Variants in NAALADL2 observed in about 807,000 individuals in gnomAD.
The protein encoded by NAALADL2 is N-acetylated alpha-linked acidic dipeptidase like 2.
Under a neutral mutation model 87.2 loss-of-function variants are expected in NAALADL2, and 76 were observed. The observed-to-expected ratio is 0.87, with a 90% confidence interval of 0.72 to 1.05. The LOEUF is 1.05. Ranked by LOEUF, NAALADL2 falls within the 50% of genes least tolerant of loss-of-function variation. The probability of loss-of-function intolerance (pLI) is 0.00; values close to 1 mark genes in which losing one functional copy is unlikely to be tolerated. For synonymous variants in NAALADL2, 354 were observed against 331.0 expected, an observed-to-expected ratio of 1.07 and a Z score of -0.75; for missense variants, 1,089 against 945.8, an observed-to-expected ratio of 1.15 and a Z score of -1.99.
At chr3:175,033,610 A>G (rs1039295865) in intron 1 of NAALADL2, among the ~76,000 whole-genome samples, 1 of 152,090 alleles carries the variant, frequency 6.6e-6, no homozygotes, top group Non-Finnish European at 1.5e-5. Flanking sequence ...TATCAGCAAC[A>G]TTTGACACAG....
intron 4 of NAALADL2, among the ~76,000 whole-genome samples, chr3:175,286,384 T>A (rs868708213): frequency 2.2e-4 from 33 of 152,246 alleles, no homozygotes; most frequent in Admixed American, 3.9e-4. Flanking sequence ...AACTTCAAGG[T>A]TATAGTGTGA....
intron 1 of NAALADL2, among the ~76,000 whole-genome samples, chr3:175,067,462 T>A (rs1714738548): frequency 6.6e-6 from 1 of 152,058 alleles, no homozygotes; most frequent in Non-Finnish European, 1.5e-5. Context: ...AAACAAGACA[T>A]ATCAGCGGCC....
chr3:175,340,847 A>G (rs912815026), intron 5 of NAALADL2, among the ~76,000 whole-genome samples: 12 of 152,190 alleles, frequency 7.9e-5, no homozygotes, highest in Admixed American at 2.0e-4. Context: ...CCTCTATTGG[A>G]GAAGCCAAAG....
At chr3:174,647,830 G>A (rs1040765580) in intron 2 of NAALADL2, among the ~76,000 whole-genome samples, 1 of 152,090 alleles carries the variant, frequency 6.6e-6, no homozygotes, top group African/African-American at 2.4e-5. Flanking sequence ...CATGCACTTG[G>A]CACTGTAATG....
At chr3:175,430,236 G>C (rs1328487407) in intron 5 of NAALADL2, among the ~76,000 whole-genome samples, 3 of 151,702 alleles carry the variant, frequency 2.0e-5, no homozygotes, top group Non-Finnish European at 4.4e-5. Context: ...CCATTTTATA[G>C]TAATTAACCT....
At chr3:175,455,178 C>T (rs1722145648) in intron 6 of NAALADL2, among the ~76,000 whole-genome samples, 1 of 152,012 alleles carries the variant, frequency 6.6e-6, no homozygotes, top group Admixed American at 6.6e-5. Flanking sequence ...ATAAATACTC[C>T]AGTCTTTCCC....
intron 4 of NAALADL2, among the ~76,000 whole-genome samples, chr3:175,260,011 G>A (rs1750740977): frequency 6.6e-6 from 1 of 151,770 alleles, no homozygotes; most frequent in Non-Finnish European, 1.5e-5. Context: ...CTGGGTGACA[G>A]AATGAAACTC....
chr3:175,592,206 A>G (rs950118724), intron 10 of NAALADL2, among the ~76,000 whole-genome samples: 10 of 152,046 alleles, frequency 6.6e-5, no homozygotes, highest in Admixed American at 5.9e-4. Flanking sequence ...CACTCCTTAC[A>G]CAGGACATAG....
At chr3:174,724,211 T>A (rs2108961003) in intron 2 of NAALADL2, among the ~76,000 whole-genome samples, 1 of 152,320 alleles carries the variant, frequency 6.6e-6, no homozygotes, top group Middle Eastern at 3.4e-3. Context: ...AATTAAGAGT[T>A]ACTAATTAAG....
chr3:174,683,664 G>C (rs923702595), intron 2 of NAALADL2, among the ~76,000 whole-genome samples: 27 of 120,514 alleles, frequency 2.2e-4, no homozygotes, highest in Non-Finnish European at 3.7e-4. Context: ...GTGTGTGTGT[G>C]TGTAATGTAT....
intron 9 of NAALADL2, among the ~76,000 whole-genome samples, chr3:175,491,704 T>G (rs968475120): frequency 6.6e-6 from 1 of 152,156 alleles, no homozygotes; most frequent in African/African-American, 2.4e-5. Context: ...TTCTAACTGG[T>G]AGGCCATGCC....
At chr3:175,110,431 G>A (rs1723999407) in intron 2 of NAALADL2, among the ~76,000 whole-genome samples, 1 of 151,712 alleles carries the variant, frequency 6.6e-6, no homozygotes, top group African/African-American at 2.4e-5. Context: ...AATTTATACT[G>A]CAATTTCAGC....
At chr3:174,981,688 T>C (rs1282807584) in intron 1 of NAALADL2, among the ~76,000 whole-genome samples, 1 of 152,184 alleles carries the variant, frequency 6.6e-6, no homozygotes, top group Non-Finnish European at 1.5e-5. Flanking sequence ...AACCCCAAAA[T>C]GACCATGACT....
At chr3:174,857,123 GAATTC>G (rs1449034812), upstream of NAALADL2, among the ~76,000 whole-genome samples, 1 of 152,116 alleles carries the variant, frequency 6.6e-6, no homozygotes, top group African/African-American at 2.4e-5. Flanking sequence ...AACTCAGACT[GAATTC>G]AACAAGAATT....
chr3:175,474,293 T>C (rs1194469006), intron 9 of NAALADL2, among the ~76,000 whole-genome samples: 1 of 152,214 alleles, frequency 6.6e-6, no homozygotes, highest in Non-Finnish European at 1.5e-5. Flanking sequence ...ATGAAATCTT[T>C]AAAGTATTAT....
chr3:174,983,184 A>T (rs978775825), intron 1 of NAALADL2, among the ~76,000 whole-genome samples: 1 of 152,180 alleles, frequency 6.6e-6, no homozygotes, highest in Non-Finnish European at 1.5e-5. Context: ...TTTGGTCAGG[A>T]AGTAAAAGGA....
chr3:175,676,439 T>C (rs575373218), intron 11 of NAALADL2: 1 of 152,212 alleles, frequency 6.6e-6, no homozygotes, highest in Non-Finnish European at 1.5e-5. Context: ...TTGGAGCAAC[T>C]AGCTACTCTT....
chr3:175,121,190 G>A (rs1726101049), intron 2 of NAALADL2, among the ~76,000 whole-genome samples: 1 of 151,772 alleles, frequency 6.6e-6, no homozygotes, highest in South Asian at 2.1e-4. Context: ...CTTGTTTGAG[G>A]GTCTGGCCAA....
At chr3:175,182,074 C>A (rs2108996471) in intron 2 of NAALADL2, among the ~76,000 whole-genome samples, 1 of 151,916 alleles carries the variant, frequency 6.6e-6, no homozygotes, top group Middle Eastern at 3.4e-3. Context: ...TTTTGTCTTT[C>A]TGATAATAAC....
Sources: allele counts gnomAD v4.1 joint callset (sites outside exome capture counted in the v4.1 genomes callset), GRCh38; gene constraint gnomAD v4.1.1; transcripts MANE v1.5; gene names NCBI Gene and HGNC (gene_info 2026-07-23, HGNC 2026-07-21).